TGFBR2: variants seen among roughly 807,000 people sequenced by gnomAD.
TGFBR2 encodes TGF-beta receptor type-2.
A neutral mutation model predicts 49.0 loss-of-function variants in TGFBR2; 18 were observed. That is an observed-to-expected ratio of 0.37 (90% confidence interval 0.25 to 0.54). The LOEUF is 0.54. Among genes scored for constraint, TGFBR2 ranks in the 20% least tolerant of loss-of-function variants. The pLI, the probability that TGFBR2 is intolerant of heterozygous loss-of-function variation, is 0.85. For synonymous variants in TGFBR2, 282 were observed against 275.9 expected, an observed-to-expected ratio of 1.02 and a Z score of -0.22; for missense variants, 525 against 722.6, an observed-to-expected ratio of 0.73 and a Z score of 3.13.
chr3:30,643,928 C>G (rs1188742198), intron 1 of TGFBR2, among the ~76,000 whole-genome samples: 1 of 152,178 alleles, frequency 6.6e-6, no homozygotes, highest in Non-Finnish European at 1.5e-5. Context: ...AGGGAATGAA[C>G]TTGGCTTCTT....
chr3:30,624,363 A>G (rs2125455023), intron 1 of TGFBR2, among the ~76,000 whole-genome samples: 1 of 152,280 alleles, frequency 6.6e-6, no homozygotes, highest in Admixed American at 6.5e-5. Flanking sequence ...CACACCTGTA[A>G]TCCCGGATCT....
intron 3 of TGFBR2, among the ~76,000 whole-genome samples, chr3:30,661,339 C>A (rs1274800628): frequency 1.3e-5 from 2 of 152,158 alleles, no homozygotes; most frequent in African/African-American, 4.8e-5. Context: ...CTGGACAAAG[C>A]CTGGTACCTT....
intron 1 of TGFBR2, among the ~76,000 whole-genome samples, chr3:30,643,689 T>C (rs557704264): frequency 6.6e-6 from 1 of 152,338 alleles, no homozygotes; most frequent in South Asian, 2.1e-4. Flanking sequence ...GCCTGCTATG[T>C]GAAAGGTTCT....
intron 1 of TGFBR2, among the ~76,000 whole-genome samples, chr3:30,607,973 G>A (rs190404917): frequency 6.7e-6 from 1 of 149,796 alleles, no homozygotes; most frequent in Non-Finnish European, 1.5e-5. Context: ...ACGGAGTCTC[G>A]CTCTGTCACC....
At chr3:30,622,790 G>A in intron 1 of TGFBR2, among the ~76,000 whole-genome samples, 1 of 143,020 alleles carries the variant, frequency 7.0e-6, no homozygotes, top group East Asian at 2.1e-4. Context: ...TGAGCCAGGA[G>A]AATCACTTGA....
At chr3:30,653,641 T>C (rs1206447548) in intron 3 of TGFBR2, among the ~76,000 whole-genome samples, 2 of 152,292 alleles carry the variant, frequency 1.3e-5, no homozygotes, top group African/African-American at 4.8e-5. Flanking sequence ...GGCTGTATTA[T>C]TAGTAGTACA....
chr3:30,659,685 T>G lies in TGFBR2; in HGVS notation c.454+9225T>G, dbSNP rs998979210. Among the ~76,000 whole-genome samples the G allele has an allele frequency of 2.0e-5, 3 of 151,090 alleles. No homozygotes were observed. In the East Asian group the frequency reaches 5.8e-4, roughly 29 times the overall value. On this transcript the variant is annotated intron_variant, in intron 3 of 6. Transcript: ENST00000295754. ...TGGACACAGGCTGTCTCAAATTCCA[T>G]CCACTGGATATGAGTGGCCAAGAAA... is the stretch of plus-strand genomic sequence containing the variant.
At chr3:30,653,127 G>A (rs1208781088) in intron 3 of TGFBR2, among the ~76,000 whole-genome samples, 2 of 152,042 alleles carry the variant, frequency 1.3e-5, no homozygotes, top group Non-Finnish European at 2.9e-5. Context: ...TGCTTTTTAA[G>A]CATCTCTTTT....
At chr3:30,623,309 C>A (rs1473360482) in intron 1 of TGFBR2, 4 of 1,611,640 alleles carry the variant, frequency 2.5e-6, no homozygotes, top group African/African-American at 1.3e-5. Flanking sequence ...CATCATTTTT[C>A]TATTTTTAGT....
intron 2 of TGFBR2, among the ~76,000 whole-genome samples, chr3:30,648,547 T>C (rs991348019): frequency 6.6e-6 from 1 of 151,898 alleles, no homozygotes; most frequent in Non-Finnish European, 1.5e-5. Flanking sequence ...GGGTTAAAGA[T>C]GGGTAGATTT....
At chr3:30,690,511 T>C (rs1387249769) in intron 6 of TGFBR2, among the ~76,000 whole-genome samples, 1 of 152,076 alleles carries the variant, frequency 6.6e-6, no homozygotes, top group Non-Finnish European at 1.5e-5. Context: ...ATCCCAGAGG[T>C]CATCCTTGGC....
Position 30,609,418 on chromosome 3 carries a change from C to T in TGFBR2, c.94+2441C>T, listed in dbSNP as rs568423974. Among the ~76,000 whole-genome samples the T allele has an allele frequency of 3.1e-4, 47 of 152,256 alleles. No individual in the cohort carries two copies. In the South Asian group the frequency reaches 9.3e-3, roughly 30 times the overall value. On this transcript the variant is annotated intron_variant, in intron 1 of 6. Transcript: ENST00000295754. The stretch of plus-strand genomic sequence containing the variant: ...TTTAATAAACAACAAGCTCCTTTTA[C>T]GTCACCTAAAAAGGCCCAAAAATCT...
intron 5 of TGFBR2, among the ~76,000 whole-genome samples, chr3:30,686,790 C>CT (rs904658468): frequency 6.6e-6 from 1 of 152,194 alleles, no homozygotes; most frequent in Non-Finnish European, 1.5e-5. Context: ...TGTTTTCTAT[C>CT]TTTTTAAGTG....
chr3:30,628,528 G>GTTTTTTTTTTT (rs569832149), intron 1 of TGFBR2, among the ~76,000 whole-genome samples: 2 of 80,200 alleles, frequency 2.5e-5, no homozygotes, highest in African/African-American at 5.2e-5. Context: ...AAGCCTGTGG[G>GTTTTTTTTTTT]TTTTTTTTTT....
chr3:30,665,461 G>A (rs1479681109), intron 3 of TGFBR2, among the ~76,000 whole-genome samples: 1 of 152,172 alleles, frequency 6.6e-6, no homozygotes, highest in Admixed American at 6.5e-5. Flanking sequence ...AAAATAAATT[G>A]TCCGGTGCCT....
At chr3:30,620,926 A>G in intron 1 of TGFBR2, among the ~76,000 whole-genome samples, 1 of 152,206 alleles carries the variant, frequency 6.6e-6, no homozygotes, top group East Asian at 1.9e-4. Flanking sequence ...CCCTGTTAAA[A>G]TGATACATGC....
chr3:30,619,684 C>A (rs1404055949), intron 1 of TGFBR2, among the ~76,000 whole-genome samples: 1 of 152,144 alleles, frequency 6.6e-6, no homozygotes, highest in African/African-American at 2.4e-5. Context: ...CCACCTCCCC[C>A]CAAGTTTTAC....
At chr3:30,682,474 C>T in intron 5 of TGFBR2, among the ~76,000 whole-genome samples, 1 of 152,108 alleles carries the variant, frequency 6.6e-6, no homozygotes, top group Non-Finnish European at 1.5e-5. Context: ...CCAGGTGTAA[C>T]ATTTTCTCTG....
chr3:30,653,858 C>A (rs1283761095), intron 3 of TGFBR2, among the ~76,000 whole-genome samples: 2 of 152,108 alleles, frequency 1.3e-5, no homozygotes, highest in Admixed American at 6.6e-5. Flanking sequence ...CCAAGCATGA[C>A]CTCATTTAAT....
Sources: allele counts gnomAD v4.1 joint callset (sites outside exome capture counted in the v4.1 genomes callset), GRCh38; gene constraint gnomAD v4.1.1; transcripts MANE v1.5; gene names NCBI Gene and HGNC (gene_info 2026-07-23, HGNC 2026-07-21).